Variants in THSD7B observed in about 807,000 individuals in gnomAD.
THSD7B encodes the protein thrombospondin type-1 domain-containing protein 7B.
In THSD7B, 138 loss-of-function variants were observed where a neutral mutation model predicts 213.6. That is an observed-to-expected ratio of 0.65 (90% CI 0.56 to 0.74). The LOEUF is 0.74. Ranked by LOEUF, THSD7B falls within the 30% of genes least tolerant of loss-of-function variation. The probability of loss-of-function intolerance (pLI) is 0.00; values close to 1 mark genes in which losing one functional copy is unlikely to be tolerated. For synonymous variants in THSD7B, 742 were observed against 687.0 expected (o/e 1.08, Z -1.25); for missense variants, 1,931 against 1,991.5 (o/e 0.97, Z 0.58).
At chr2:137,072,326 C>T (rs527435983) in intron 3 of THSD7B, among the ~76,000 whole-genome samples, 3,352 of 152,148 alleles carry the variant, frequency 0.022, 118 homozygotes, top group African/African-American at 0.078. Flanking sequence ...CCTTCACATC[C>T]CTTGTAAGTT....
chr2:136,830,200 T>C (rs1298022265), intron 1 of THSD7B, among the ~76,000 whole-genome samples: 2 of 152,156 alleles, frequency 1.3e-5, no homozygotes, highest in Non-Finnish European at 2.9e-5. Flanking sequence ...TGACATATGG[T>C]ACCTGAAAAA....
chr2:137,081,077 A>G lies in THSD7B; in HGVS notation c.951-13796A>G, dbSNP rs113796740. Among the ~76,000 whole-genome samples the G allele has an allele frequency of 5.9e-3, 904 of 152,132 alleles. 2 individuals carry two copies. Among genetic ancestry groups the G allele is most frequent in the Non-Finnish European group, 9.3e-3 (632 of 67,982 alleles). On this transcript the variant is annotated intron_variant, in intron 3 of 27. Transcript: ENST00000409968. ...TTTGAGAAGTTTGTTGCCAGTTTTA[A>G]TTTTTTTATTTTTTGCATTTTAAAA... is the stretch of plus-strand genomic sequence containing the variant.
At chr2:137,457,477 A>G (rs538539174) in intron 15 of THSD7B, among the ~76,000 whole-genome samples, 1 of 152,298 alleles carries the variant, frequency 6.6e-6, no homozygotes, top group African/African-American at 2.4e-5. Context: ...TAATTTTGCC[A>G]TTGGGAGTCT....
At chr2:137,077,041 G>A (rs1324673364) in intron 3 of THSD7B, among the ~76,000 whole-genome samples, 4 of 134,062 alleles carry the variant, frequency 3.0e-5, no homozygotes, top group African/African-American at 1.2e-4. Flanking sequence ...TGTTGTCATT[G>A]TTCAACTCCC....
intron 12 of THSD7B, among the ~76,000 whole-genome samples, chr2:137,387,672 T>G (rs1245330386): frequency 1.3e-5 from 2 of 152,152 alleles, no homozygotes; most frequent in Non-Finnish European, 2.9e-5. Flanking sequence ...AAATATTTTT[T>G]CTAAGATTGT....
chr2:137,604,503 A>G (rs139180058), intron 17 of THSD7B, among the ~76,000 whole-genome samples: 1 of 152,296 alleles, frequency 6.6e-6, no homozygotes, highest in African/African-American at 2.4e-5. Flanking sequence ...TTTTGCTTTG[A>G]ATTTTAACAT....
intron 7 of THSD7B, among the ~76,000 whole-genome samples, chr2:137,189,411 TC>T (rs1680614353): frequency 6.6e-6 from 1 of 152,132 alleles, no homozygotes; most frequent in Admixed American, 6.5e-5. Context: ...CTTGTCCACA[TC>T]CATTATGATG....
intron 7 of THSD7B, among the ~76,000 whole-genome samples, chr2:137,215,648 T>G (rs1377109994): frequency 6.6e-6 from 1 of 152,142 alleles, no homozygotes; most frequent in Admixed American, 6.6e-5. Flanking sequence ...CTTGAACTCC[T>G]CTTTAAAGCT....
At chr2:137,577,242 T>C (rs1681483613) in intron 17 of THSD7B, among the ~76,000 whole-genome samples, 1 of 152,116 alleles carries the variant, frequency 6.6e-6, no homozygotes, top group Admixed American at 6.6e-5. Flanking sequence ...GTGAGATGTA[T>C]TATCACTTAG....
chr2:136,947,598 T>C (rs1365579955), intron 2 of THSD7B, among the ~76,000 whole-genome samples: 2 of 152,200 alleles, frequency 1.3e-5, no homozygotes, highest in Non-Finnish European at 2.9e-5. Flanking sequence ...TTGGTTTATC[T>C]CTCTCTTCCT....
chr2:136,793,453 T>C (rs1682002702), intron 1 of THSD7B, among the ~76,000 whole-genome samples: 1 of 152,070 alleles, frequency 6.6e-6, no homozygotes, highest in East Asian at 1.9e-4. Flanking sequence ...ATATACGTAG[T>C]TCATAAATAT....
intron 2 of THSD7B, among the ~76,000 whole-genome samples, chr2:137,026,914 A>C (rs1489286338): frequency 6.6e-6 from 1 of 152,138 alleles, no homozygotes; most frequent in Non-Finnish European, 1.5e-5. Flanking sequence ...TTCATAATAC[A>C]TTGGAAAAGG....
intron 20 of THSD7B, among the ~76,000 whole-genome samples, chr2:137,631,022 A>C (rs1682732488): frequency 6.6e-6 from 1 of 152,200 alleles, no homozygotes; most frequent in Non-Finnish European, 1.5e-5. Context: ...ACAGAACTAC[A>C]ACGATCTGAG....
At chr2:136,979,721 C>T (rs1198264415) in intron 2 of THSD7B, among the ~76,000 whole-genome samples, 1 of 152,178 alleles carries the variant, frequency 6.6e-6, no homozygotes, top group African/African-American at 2.4e-5. Flanking sequence ...TGGGTTAAAA[C>T]ATACTCCTTT....
chr2:137,244,305 C>T (rs944554047), intron 10 of THSD7B, among the ~76,000 whole-genome samples: 1 of 152,086 alleles, frequency 6.6e-6, no homozygotes, highest in African/African-American at 2.4e-5. Context: ...TAGTACAATT[C>T]CTGTTAAATT....
At chr2:137,533,020 G>A (rs1446863040) in intron 15 of THSD7B, among the ~76,000 whole-genome samples, 4 of 150,604 alleles carry the variant, frequency 2.7e-5, no homozygotes, top group Non-Finnish European at 4.4e-5. Flanking sequence ...TATTCCTTAT[G>A]TGATATGTAA....
chr2:137,555,807 C>T (rs140471606), intron 15 of THSD7B, among the ~76,000 whole-genome samples: 64 of 152,176 alleles, frequency 4.2e-4, no homozygotes, highest in African/African-American at 5.1e-4. Context: ...AAAGACTAGA[C>T]GAATGGCTAG....
chr2:137,501,886 T>G (rs1573667481), intron 15 of THSD7B, among the ~76,000 whole-genome samples: 1 of 152,300 alleles, frequency 6.6e-6, no homozygotes, highest in East Asian at 1.9e-4. Context: ...TGAACGATGT[T>G]GAGCTTCCCC....
At chr2:137,453,406 T>C (rs1687693863) in intron 15 of THSD7B, among the ~76,000 whole-genome samples, 1 of 138,070 alleles carries the variant, frequency 7.2e-6, no homozygotes, top group African/African-American at 2.7e-5. Context: ...CTCGGCTCAC[T>C]GCAAGCTCTG....
Sources: gnomAD v4.1 joint callset for allele counts (sites outside exome capture counted in the v4.1 genomes callset) on GRCh38, gnomAD v4.1.1 for gene constraint, MANE v1.5 for transcripts, NCBI Gene and HGNC (gene_info 2026-07-23, HGNC 2026-07-21) for gene names.